Variants in RYR3 observed in about 807,000 individuals in gnomAD.
RYR3 encodes brain ryanodine receptor-calcium release channel.
RYR3 carries 207 observed loss-of-function variants against 584.3 expected under a neutral mutation model. The observed-to-expected ratio is 0.35, with a 90% CI of 0.32 to 0.40. The LOEUF (loss-of-function observed/expected upper bound fraction) is 0.40. Among genes scored for constraint, RYR3 ranks in the 10% least tolerant of loss-of-function variants. The probability of loss-of-function intolerance (pLI) is 1.00; values close to 1 mark genes in which losing one functional copy is unlikely to be tolerated. For synonymous variants in RYR3, 2,416 were observed against 2,248.5 expected (o/e 1.07, Z -2.11); for missense variants, 5,616 against 6,089.2 (o/e 0.92, Z 2.59).
chr15:33,667,226 A>T (rs1566913325), intron 36 of RYR3, among the ~76,000 whole-genome samples: 1 of 152,158 alleles, frequency 6.6e-6, no homozygotes, highest in Non-Finnish European at 1.5e-5. Flanking sequence ...AAACAAAAGG[A>T]GTTTGGGTTA....
intron 3 of RYR3, among the ~76,000 whole-genome samples, chr15:33,514,197 T>C (rs2053295262): frequency 6.6e-6 from 1 of 152,192 alleles, no homozygotes; most frequent in African/African-American, 2.4e-5. Context: ...TAGGCATCAG[T>C]TGCCCCTCCT....
chr15:33,453,150 C>T (rs1262051018), intron 1 of RYR3, among the ~76,000 whole-genome samples: 1 of 152,078 alleles, frequency 6.6e-6, no homozygotes, highest in East Asian at 1.9e-4. Context: ...TCTCAAAGCT[C>T]AAAATAAACT....
At chr15:33,610,330 T>C (rs943101967) in intron 18 of RYR3, among the ~76,000 whole-genome samples, 13 of 152,218 alleles carry the variant, frequency 8.5e-5, no homozygotes, top group Non-Finnish European at 1.5e-4. Flanking sequence ...GGCATCTTCC[T>C]CTCCCTCTAG....
intron 3 of RYR3, among the ~76,000 whole-genome samples, chr15:33,525,494 G>C (rs188643933): frequency 1.2e-3 from 183 of 152,218 alleles, no homozygotes; most frequent in African/African-American, 4.2e-3. Flanking sequence ...TTAAATTTAG[G>C]GGAATAAGCA....
intron 12 of RYR3, among the ~76,000 whole-genome samples, chr15:33,570,226 G>C (rs2057951236): frequency 6.6e-6 from 1 of 152,022 alleles, no homozygotes; most frequent in Admixed American, 6.6e-5. Flanking sequence ...TTAGGTCCGT[G>C]ATCTATTTTG....
At chr15:33,385,710 C>CTTTTTTTTTTTTTTTT (rs10682215) in intron 1 of RYR3, among the ~76,000 whole-genome samples, 3 of 131,384 alleles carry the variant, frequency 2.3e-5, no homozygotes, top group Admixed American at 8.2e-5. Context: ...TTTTTCTTTT[C>CTTTTTTTTTTTTTTTT]TTTTTTTTTT....
intron 12 of RYR3, among the ~76,000 whole-genome samples, chr15:33,577,467 A>G (rs1194708872): frequency 2.6e-5 from 4 of 152,228 alleles, no homozygotes; most frequent in African/African-American, 9.7e-5. Flanking sequence ...AAGACCGCAC[A>G]TCTACAACCA....
chr15:33,406,435 A>T (rs1224637151), intron 1 of RYR3, among the ~76,000 whole-genome samples: 1 of 152,228 alleles, frequency 6.6e-6, no homozygotes, highest in East Asian at 1.9e-4. Context: ...AATGTCTGTG[A>T]TCTATCCCCG....
At chr15:33,544,792 C>T (rs1444857474) in intron 8 of RYR3, among the ~76,000 whole-genome samples, 1 of 152,156 alleles carries the variant, frequency 6.6e-6, no homozygotes, top group Non-Finnish European at 1.5e-5. Flanking sequence ...GTGCCTAGGA[C>T]ACATAAAGCA....
chr15:33,349,474 T>C (rs1288861635), intron 1 of RYR3, among the ~76,000 whole-genome samples: 1 of 152,204 alleles, frequency 6.6e-6, no homozygotes, highest in Non-Finnish European at 1.5e-5. Flanking sequence ...TCCATTCTAA[T>C]AGATGTTTAA....
At chr15:33,359,099 CCT>C (rs1974381925) in intron 1 of RYR3, among the ~76,000 whole-genome samples, 1 of 152,110 alleles carries the variant, frequency 6.6e-6, no homozygotes, top group Admixed American at 6.5e-5. Context: ...AGTTTAGGCC[CCT>C]GTCATCTCTT....
chr15:33,638,036 G>A (rs1022167605), intron 27 of RYR3, among the ~76,000 whole-genome samples: 2 of 151,890 alleles, frequency 1.3e-5, no homozygotes, highest in African/African-American at 4.8e-5. Flanking sequence ...GTTTTTCTAA[G>A]AGCCAAATAT....
intron 81 of RYR3, among the ~76,000 whole-genome samples, chr15:33,824,937 T>A (rs1452166439): frequency 6.6e-6 from 1 of 152,194 alleles, no homozygotes; most frequent in Non-Finnish European, 1.5e-5. Context: ...TATGGCTTCC[T>A]GGCTGAGTAA....
chr15:33,370,629 G>A (rs907977599), intron 1 of RYR3, among the ~76,000 whole-genome samples: 1 of 152,142 alleles, frequency 6.6e-6, no homozygotes, highest in African/African-American at 2.4e-5. Flanking sequence ...TTTATAGCTA[G>A]GCATTTTAAG....
chr15:33,667,130 A>T (rs564383535), intron 36 of RYR3, among the ~76,000 whole-genome samples: 1 of 152,136 alleles, frequency 6.6e-6, no homozygotes, highest in South Asian at 2.1e-4. Context: ...TTGCAGTAAG[A>T]TCTTTGTGTA....
chr15:33,451,177 T>C (rs952489033), intron 1 of RYR3, among the ~76,000 whole-genome samples: 26 of 152,222 alleles, frequency 1.7e-4, no homozygotes, highest in African/African-American at 4.8e-4. Context: ...GTTTATAAAG[T>C]GCCTGGCACA....
intron 53 of RYR3, among the ~76,000 whole-genome samples, 158 bp from the exon 54 acceptor site, chr15:33,747,956 C>T (rs1339453568): frequency 6.6e-6 from 1 of 152,154 alleles, no homozygotes; most frequent in Admixed American, 6.5e-5. Flanking sequence ...GACTGTGTTT[C>T]GGGTAAGATG....
rs1281149544 is a variant in RYR3, at chr15:33,662,424, C to G, written c.4894C>G (p.Pro1632Ala). 6.2e-7 allele frequency: 1 copy of G among 1,613,968 alleles called. No individual in the cohort carries two copies. The highest frequency in any genetic ancestry group is 8.5e-7 in the Non-Finnish European group (1 of 1,179,874). Residue 1632 changes from proline to alanine, a missense_variant, in exon 35 of 104, where the codon CCC becomes GCC. Pro to Ala is a conservative substitution (Grantham distance 27). Around this residue, in one of 9 missense-constraint regions of RYR3, gnomAD observed 753 missense variants for 741.0 expected, o/e 1.02. Coordinates refer to ENST00000634891, the MANE Select transcript of RYR3 (RefSeq NM_001036.6). ...KLMMKNEYII[P>A]ITSTTRNIRL... The stretch of plus-strand genomic sequence containing the variant: ...GATGATGAAGAACGAGTACATCATC[C>G]CCATTACCAGCACCACCAGGAATAT...
chr15:33,581,865 G>T (rs2058611605), intron 14 of RYR3, among the ~76,000 whole-genome samples: 1 of 152,056 alleles, frequency 6.6e-6, no homozygotes. Flanking sequence ...TAACTACCTG[G>T]GAAACTGTTT....
Sources: allele counts gnomAD v4.1 joint callset (sites outside exome capture counted in the v4.1 genomes callset), GRCh38; gene constraint gnomAD v4.1.1; regional missense constraint gnomAD v4.1.1; transcripts MANE v1.5; gene names NCBI Gene and HGNC (gene_info 2026-07-23, HGNC 2026-07-21).